OLFM3: variants seen among roughly 807,000 people sequenced by gnomAD.
OLFM3 encodes olfactomedin 3, also known as noelin-3.
Under a neutral mutation model 48.6 loss-of-function variants are expected in OLFM3, and 20 were observed. The ratio of observed to expected loss-of-function variants is 0.41; its 90% CI spans 0.29 to 0.60. OLFM3 has a LOEUF of 0.60. Ranked by LOEUF, OLFM3 falls within the 20% of genes least tolerant of loss-of-function variation. The probability of loss-of-function intolerance (pLI) is 0.28; values close to 1 mark genes in which losing one functional copy is unlikely to be tolerated. For synonymous variants in OLFM3, 222 were observed against 198.1 expected (o/e 1.12, Z -1.01); for missense variants, 437 against 544.3 (o/e 0.80, Z 1.96).
intron 1 of OLFM3, among the ~76,000 whole-genome samples, chr1:101,844,974 C>A (rs1394147195): frequency 6.6e-6 from 1 of 152,032 alleles, no homozygotes; most frequent in Admixed American, 6.6e-5. Context: ...TATGAGCACT[C>A]ATTTGGATAA....
At chr1:101,991,000 A>AG in intron 1 of OLFM3, among the ~76,000 whole-genome samples, 2 of 89,874 alleles carry the variant, frequency 2.2e-5, no homozygotes, top group African/African-American at 9.0e-5. Flanking sequence ...AAAAAAAAAA[A>AG]AAAAAAAAAA....
chr1:101,948,960 C>T (rs1034912196), intron 1 of OLFM3, among the ~76,000 whole-genome samples: 3 of 150,514 alleles, frequency 2.0e-5, no homozygotes, highest in Non-Finnish European at 3.0e-5. Flanking sequence ...CTGCCATTTT[C>T]GCACAAACTA....
chr1:101,942,168 G>A (rs1462451839), intron 1 of OLFM3, among the ~76,000 whole-genome samples: 3 of 152,158 alleles, frequency 2.0e-5, no homozygotes, highest in Non-Finnish European at 4.4e-5. Flanking sequence ...TCAAAAGAAA[G>A]TGGTAAACCC....
chr1:101,888,372 CA>C (rs565875516), intron 1 of OLFM3, among the ~76,000 whole-genome samples: 57 of 152,122 alleles, frequency 3.7e-4, no homozygotes, highest in Non-Finnish European at 7.5e-4. Flanking sequence ...TGATCTTTGA[CA>C]AACTTGACAA....
intron 1 of OLFM3, among the ~76,000 whole-genome samples, chr1:101,868,638 A>T (rs891727292): frequency 6.6e-6 from 1 of 152,242 alleles, no homozygotes; most frequent in Non-Finnish European, 1.5e-5. Flanking sequence ...AGAAATTTAC[A>T]TAAGTAATGA....
At chr1:101,888,886 C>A (rs552727667) in intron 1 of OLFM3, among the ~76,000 whole-genome samples, 81 of 152,216 alleles carry the variant, frequency 5.3e-4, no homozygotes, top group African/African-American at 1.9e-3. Context: ...ATGCAGCCAA[C>A]AGACACATGA....
At chr1:101,828,215 C>A (rs1488327658) in intron 3 of OLFM3, among the ~76,000 whole-genome samples, 1 of 152,104 alleles carries the variant, frequency 6.6e-6, no homozygotes, top group Non-Finnish European at 1.5e-5. Flanking sequence ...CAGCACAGAT[C>A]TTTATAGCAG....
At chr1:101,925,258 T>C (rs1440252905) in intron 1 of OLFM3, among the ~76,000 whole-genome samples, 1 of 151,964 alleles carries the variant, frequency 6.6e-6, no homozygotes, top group Non-Finnish European at 1.5e-5. Context: ...ATTTGTCTTT[T>C]TTTTTTCTAT....
intron 1 of OLFM3, among the ~76,000 whole-genome samples, chr1:101,887,843 G>T (rs1304548765): frequency 6.6e-6 from 1 of 151,480 alleles, no homozygotes; most frequent in Non-Finnish European, 1.5e-5. Flanking sequence ...AAAAGCATCA[G>T]TATATGTGGA....
chr1:101,993,132 T>C (rs989383098), intron 1 of OLFM3, among the ~76,000 whole-genome samples: 1 of 152,182 alleles, frequency 6.6e-6, no homozygotes, highest in Non-Finnish European at 1.5e-5. Context: ...TCACCTCTTT[T>C]TAACTGTTCC....
chr1:101,868,013 T>C (rs749547675), intron 1 of OLFM3, among the ~76,000 whole-genome samples: 1 of 152,152 alleles, frequency 6.6e-6, no homozygotes, highest in Non-Finnish European at 1.5e-5. Flanking sequence ...GAAGGATGTG[T>C]TTGCTTCCCC....
chr1:101,916,228 T>C (rs1451956248), intron 1 of OLFM3, among the ~76,000 whole-genome samples: 13 of 152,168 alleles, frequency 8.5e-5, no homozygotes, highest in African/African-American at 2.7e-4. Context: ...GTTCAAACTT[T>C]CAAAGACAGA....
At chr1:101,896,956 C>T (rs886565566) in intron 1 of OLFM3, among the ~76,000 whole-genome samples, 4 of 152,064 alleles carry the variant, frequency 2.6e-5, no homozygotes, top group Non-Finnish European at 4.4e-5. Context: ...ATCCAGAACA[C>T]GAGTGGATTA....
intron 1 of OLFM3, among the ~76,000 whole-genome samples, chr1:101,952,412 T>C (rs1660169551): frequency 6.6e-6 from 1 of 152,138 alleles, no homozygotes; most frequent in Non-Finnish European, 1.5e-5. Flanking sequence ...AGCTCAATTA[T>C]CTATTTTAAA....
intron 1 of OLFM3, among the ~76,000 whole-genome samples, chr1:101,963,497 T>A (rs1341597143): frequency 6.9e-6 from 1 of 144,436 alleles, no homozygotes. Flanking sequence ...ACCACAGGCA[T>A]CTGGGGTGAG....
At chr1:101,993,599 T>TA (rs1163731407) in intron 1 of OLFM3, among the ~76,000 whole-genome samples, 1 of 152,114 alleles carries the variant, frequency 6.6e-6, no homozygotes, top group East Asian at 1.9e-4. Context: ...TGAGTTTTTC[T>TA]AAAAAGAACT....
intron 1 of OLFM3, among the ~76,000 whole-genome samples, chr1:101,960,036 G>C: frequency 6.6e-6 from 1 of 152,034 alleles, no homozygotes; most frequent in Non-Finnish European, 1.5e-5. Flanking sequence ...CACGACACTT[G>C]CATTCTTGAA....
intron 1 of OLFM3, among the ~76,000 whole-genome samples, chr1:101,903,419 G>A (rs1658452314): frequency 6.6e-6 from 1 of 152,084 alleles, no homozygotes; most frequent in Non-Finnish European, 1.5e-5. Flanking sequence ...AGTTCTGCCT[G>A]AGAGAAAGAT....
chr1:101,872,993 G>A (rs1402878158), intron 1 of OLFM3, among the ~76,000 whole-genome samples: 1 of 151,886 alleles, frequency 6.6e-6, no homozygotes, highest in East Asian at 1.9e-4. Context: ...GACATCAGCT[G>A]AAAATTTATG....
Sources: allele counts gnomAD v4.1 joint callset (sites outside exome capture counted in the v4.1 genomes callset), GRCh38; gene constraint gnomAD v4.1.1; transcripts MANE v1.5; gene names NCBI Gene and HGNC (gene_info 2026-07-23, HGNC 2026-07-21).